Variants in STPG2 observed in about 807,000 individuals in gnomAD.
The protein encoded by STPG2 is sperm-tail PG-rich repeat-containing protein 2.
Under a neutral mutation model 54.2 loss-of-function variants are expected in STPG2, and 56 were observed. The observed-to-expected ratio is 1.03, with a 90% CI of 0.83 to 1.29. STPG2 has a LOEUF of 1.29. Ranked by LOEUF, STPG2 falls within the 50% of genes most tolerant of loss-of-function variation. STPG2 has a pLI of 0.00. For synonymous variants in STPG2, 200 were observed against 181.8 expected, an observed-to-expected ratio of 1.10 and a Z score of -0.81; for missense variants, 596 against 544.9, an observed-to-expected ratio of 1.09 and a Z score of -0.93.
chr4:97,970,660 C>G (rs1460355726), intron 7 of STPG2, among the ~76,000 whole-genome samples: 4 of 152,150 alleles, frequency 2.6e-5, no homozygotes, highest in Admixed American at 6.5e-5. Context: ...AAAATTAATT[C>G]AAGATGGATT....
At chr4:97,861,989 C>A (rs1294954276) in intron 8 of STPG2, among the ~76,000 whole-genome samples, 4 of 151,812 alleles carry the variant, frequency 2.6e-5, no homozygotes, top group African/African-American at 9.7e-5. Flanking sequence ...TAAAGACCAT[C>A]GAGGCTAGGA....
At chr4:97,641,857 T>A (rs757755020) in intron 10 of STPG2, among the ~76,000 whole-genome samples, 7 of 151,580 alleles carry the variant, frequency 4.6e-5, no homozygotes, top group Non-Finnish European at 7.4e-5. Flanking sequence ...TCTTCCCTTA[T>A]CTCTTTATTT....
intron 5 of STPG2, among the ~76,000 whole-genome samples, chr4:98,068,141 C>CTTGCCACCACAGGGCCTT (rs1449667009): frequency 6.6e-6 from 1 of 152,150 alleles, no homozygotes; most frequent in Non-Finnish European, 1.5e-5. Flanking sequence ...TCCTATCCCC[C>CTTGCCACCACAGGGCCTT]TTGCCACCAC....
chr4:97,912,868 A>C (rs1731732709), intron 8 of STPG2, among the ~76,000 whole-genome samples: 1 of 152,196 alleles, frequency 6.6e-6, no homozygotes, highest in South Asian at 2.1e-4. Flanking sequence ...GGCCTAAATA[A>C]GTGACAAATA....
intron 7 of STPG2, among the ~76,000 whole-genome samples, chr4:97,950,139 ATT>A (rs941021641): frequency 1.3e-5 from 2 of 151,386 alleles, no homozygotes; most frequent in African/African-American, 4.9e-5. Flanking sequence ...ATATCCTGAA[ATT>A]TTTTTAATTT....
chr4:98,139,616 G>T (rs144438592), intron 1 of STPG2, among the ~76,000 whole-genome samples: 82 of 152,050 alleles, frequency 5.4e-4, no homozygotes, highest in African/African-American at 1.9e-3. Context: ...ATCCAGCAGA[G>T]AAATCACTAA....
intron 10 of STPG2, among the ~76,000 whole-genome samples, chr4:97,659,350 T>C (rs1399168413): frequency 1.3e-5 from 2 of 152,228 alleles, no homozygotes; most frequent in African/African-American, 4.8e-5. Context: ...GACTAACTTC[T>C]ACAAAGCACT....
At chr4:97,454,532 A>C (rs1223101377) in intron 4 of STPG2, among the ~76,000 whole-genome samples, 1 of 114,804 alleles carries the variant, frequency 8.7e-6, no homozygotes, top group African/African-American at 7.6e-5. Flanking sequence ...AAAAAAAAAA[A>C]AAAAAAAAAA....
chr4:97,541,659 C>T (rs944914172), intron 4 of STPG2, among the ~76,000 whole-genome samples: 2 of 152,130 alleles, frequency 1.3e-5, no homozygotes, highest in Admixed American at 1.3e-4. Flanking sequence ...GCCTGCATTG[C>T]CAAGTCAACC....
intron 10 of STPG2, among the ~76,000 whole-genome samples, chr4:97,651,806 C>A (rs1000857422): frequency 2.6e-5 from 4 of 151,838 alleles, no homozygotes; most frequent in African/African-American, 9.7e-5. Context: ...AGTAAATGAA[C>A]AAGAAATGAA....
chr4:97,970,008 A>G (rs1016848080), intron 7 of STPG2, among the ~76,000 whole-genome samples: 2 of 152,198 alleles, frequency 1.3e-5, no homozygotes, highest in Non-Finnish European at 2.9e-5. Context: ...ATTCTTATAC[A>G]CCAATAACAG....
intron 7 of STPG2, among the ~76,000 whole-genome samples, chr4:97,958,156 A>C (rs1055821093): frequency 6.6e-6 from 1 of 152,042 alleles, no homozygotes; most frequent in Non-Finnish European, 1.5e-5. Context: ...CTAAAAATAC[A>C]AAAATTAGCC....
At chr4:97,718,298 T>A (rs1031468258) in intron 9 of STPG2, among the ~76,000 whole-genome samples, 15 of 151,970 alleles carry the variant, frequency 9.9e-5, no homozygotes, top group African/African-American at 3.6e-4. Flanking sequence ...TTAAAGAAAA[T>A]CACTAATTTA....
intron 10 of STPG2, among the ~76,000 whole-genome samples, chr4:97,673,979 T>A (rs933071240): frequency 6.6e-6 from 1 of 152,210 alleles, no homozygotes; most frequent in African/African-American, 2.4e-5. Flanking sequence ...CCTTGGGATC[T>A]AACATTGACC....
chr4:98,032,447 A>C (rs1736626948), intron 5 of STPG2, among the ~76,000 whole-genome samples: 1 of 152,098 alleles, frequency 6.6e-6, no homozygotes, highest in African/African-American at 2.4e-5. Flanking sequence ...ATACCATCTA[A>C]CACAAGTCAT....
intron 7 of STPG2, among the ~76,000 whole-genome samples, chr4:97,950,629 G>C (rs554087621): frequency 6.6e-6 from 1 of 152,254 alleles, no homozygotes; most frequent in South Asian, 2.1e-4. Flanking sequence ...TAGAGAGCTA[G>C]TGAAACTGCC....
intron 7 of STPG2, among the ~76,000 whole-genome samples, chr4:97,944,655 C>G (rs1166039909): frequency 2.0e-5 from 3 of 152,032 alleles, no homozygotes; most frequent in Non-Finnish European, 4.4e-5. Context: ...TCTATTTTCC[C>G]ATTTTTTTAC....
chr4:97,878,484 CA>C (rs113939088), intron 8 of STPG2, among the ~76,000 whole-genome samples: 3,756 of 152,264 alleles, frequency 0.025, 103 homozygotes, highest in African/African-American at 0.072. Context: ...CCCTTTTGTG[CA>C]ACCCATAGGC....
intron 9 of STPG2, among the ~76,000 whole-genome samples, chr4:97,818,414 C>T (rs1369612727): frequency 2.0e-5 from 3 of 151,820 alleles, no homozygotes; most frequent in Non-Finnish European, 4.4e-5. Context: ...AGAACAATTA[C>T]AACAACATAT....
Sources: allele counts gnomAD v4.1 joint callset (sites outside exome capture counted in the v4.1 genomes callset), GRCh38; gene constraint gnomAD v4.1.1; transcripts MANE v1.5; gene names NCBI Gene and HGNC (gene_info 2026-07-23, HGNC 2026-07-21).